ENTREP1: variants seen among roughly 807,000 people sequenced by gnomAD.
ENTREP1 encodes Friedreich ataxia region gene X123.
chr9:69,382,872 CTT>C, the ENTREP1 span: 1 of 268,198 alleles, frequency 3.7e-6, no homozygotes, highest in Non-Finnish European at 5.7e-6. Context: ...CTTTTGTTCT[CTT>C]TTTTTTTCTT....
the ENTREP1 span, chr9:69,325,750 G>A: frequency 6.5e-6 from 8 of 1,223,026 alleles, no homozygotes; most frequent in African/African-American, 1.6e-5. Context: ...CGCCCCGTTC[G>A]CCCGGTCATC....
the ENTREP1 span, chr9:69,324,818 A>T: frequency 1.0e-6 from 1 of 984,848 alleles, no homozygotes; most frequent in African/African-American, 1.8e-5. Flanking sequence ...TCGTGGCTGG[A>T]CAGAGAAGGC....
chr9:69,387,784 A>C, the ENTREP1 span: 4 of 714,596 alleles, frequency 5.6e-6, no homozygotes, highest in Non-Finnish European at 8.0e-6. Context: ...GCTCCTTGGA[A>C]CATCCTTTCA....
the ENTREP1 span, among the ~76,000 whole-genome samples, chr9:69,339,240 C>T: frequency 2.0e-5 from 3 of 152,122 alleles, no homozygotes; most frequent in Admixed American, 6.5e-5. Context: ...AGGCTTGTCT[C>T]GAACTCCTGG....
chr9:69,341,845 T>C, the ENTREP1 span, among the ~76,000 whole-genome samples: 1 of 152,088 alleles, frequency 6.6e-6, no homozygotes, highest in Admixed American at 6.5e-5. Flanking sequence ...TCACAAAACC[T>C]GGATTTTAAT....
the ENTREP1 span, among the ~76,000 whole-genome samples, chr9:69,349,405 G>A: frequency 6.6e-6 from 1 of 152,124 alleles, no homozygotes; most frequent in Non-Finnish European, 1.5e-5. Flanking sequence ...AGCAGTGTTT[G>A]AAGGTTCTAG....
the ENTREP1 span, among the ~76,000 whole-genome samples, chr9:69,354,608 C>T: frequency 4.8e-4 from 73 of 152,292 alleles, no homozygotes; most frequent in African/African-American, 1.7e-3. Context: ...CACTGAGTTA[C>T]ATTGCATCCC....
chr9:69,363,620 C>A, the ENTREP1 span, among the ~76,000 whole-genome samples: 1 of 152,156 alleles, frequency 6.6e-6, no homozygotes, highest in Non-Finnish European at 1.5e-5. Context: ...GTACAGAGGA[C>A]CCCTGAGAGC....
the ENTREP1 span, among the ~76,000 whole-genome samples, chr9:69,385,047 G>A: frequency 1.3e-5 from 2 of 151,888 alleles, no homozygotes; most frequent in Admixed American, 1.3e-4. Flanking sequence ...CCAGCCTCCC[G>A]AGTAACTGGA....
At chr9:69,368,586 C>A in the ENTREP1 span, among the ~76,000 whole-genome samples, 1 of 152,078 alleles carries the variant, frequency 6.6e-6, no homozygotes, top group Non-Finnish European at 1.5e-5. Context: ...TGTCTATGTT[C>A]ATCAGGGAGA....
chr9:69,391,537 A>T, the ENTREP1 span: 1 of 1,341,886 alleles, frequency 7.5e-7, no homozygotes, highest in Non-Finnish European at 1.1e-6. Flanking sequence ...CCTAGGAGGT[A>T]GGTCAAAGGG....
chr9:69,348,775 T>C, the ENTREP1 span, among the ~76,000 whole-genome samples: 1 of 152,258 alleles, frequency 6.6e-6, no homozygotes, highest in Admixed American at 6.5e-5. Flanking sequence ...ACCCATGTTA[T>C]AGTATCTGTC....
chr9:69,339,777 G>A, the ENTREP1 span, among the ~76,000 whole-genome samples: 5 of 152,154 alleles, frequency 3.3e-5, no homozygotes, highest in Non-Finnish European at 1.5e-5. Flanking sequence ...CCCCTAGCTG[G>A]TTGTTTGGCT....
the ENTREP1 span, chr9:69,336,282 C>T: frequency 6.5e-7 from 1 of 1,545,076 alleles, no homozygotes; most frequent in Non-Finnish European, 8.9e-7. Flanking sequence ...ATGTACTGAT[C>T]TTATAAATTG....
At chr9:69,389,274 C>T in the ENTREP1 span, among the ~76,000 whole-genome samples, 5 of 152,194 alleles carry the variant, frequency 3.3e-5, no homozygotes, top group Non-Finnish European at 5.9e-5. Context: ...CTAACAAATA[C>T]TTCCTCAACT....
At chr9:69,383,336 C>G in the ENTREP1 span, 1 of 1,092,546 alleles carries the variant, frequency 9.2e-7, no homozygotes, top group Non-Finnish European at 1.1e-6. Context: ...TCTCCCCCAT[C>G]CCCTGGCAGC....
At chr9:69,336,951 G>A in the ENTREP1 span, among the ~76,000 whole-genome samples, 1 of 147,018 alleles carries the variant, frequency 6.8e-6, no homozygotes, top group African/African-American at 2.5e-5. Flanking sequence ...TCCCGCCTTG[G>A]CCTCCCAAAG....
chr9:69,336,618 C>T, the ENTREP1 span, among the ~76,000 whole-genome samples: 1 of 152,174 alleles, frequency 6.6e-6, no homozygotes, highest in Admixed American at 6.5e-5. Flanking sequence ...ACCCATCGCC[C>T]AGGTTCCATA....
At chr9:69,353,615 A>C in the ENTREP1 span, among the ~76,000 whole-genome samples, 2 of 152,228 alleles carry the variant, frequency 1.3e-5, no homozygotes, top group Admixed American at 1.3e-4. Flanking sequence ...GCCTATGTTT[A>C]AATTTCCCCA....
Sources: gnomAD v4.1 joint callset for allele counts (sites outside exome capture counted in the v4.1 genomes callset) on GRCh38, gnomAD v4.1.1 for gene constraint, MANE v1.5 for transcripts, NCBI Gene and HGNC (gene_info 2026-07-23, HGNC 2026-07-21) for gene names.